Variants in BMPER observed in about 807,000 individuals in gnomAD.
BMPER encodes BMP binding endothelial regulator.
Under a neutral mutation model 87.3 loss-of-function variants are expected in BMPER, and 45 were observed. That is an observed-to-expected ratio of 0.52 (90% CI 0.41 to 0.66). The LOEUF is 0.66. BMPER is among the 30% of genes least tolerant of loss of function. The pLI is 0.00. For missense variants in BMPER, 784 were observed against 867.5 expected (o/e 0.90, Z 1.21); for synonymous variants, 326 against 316.2 (o/e 1.03, Z -0.33).
intron 2 of BMPER, among the ~76,000 whole-genome samples, chr7:33,927,598 T>A (rs1585644361): frequency 6.6e-6 from 1 of 152,276 alleles, no homozygotes; most frequent in East Asian, 1.9e-4. Flanking sequence ...AAATAATATC[T>A]CCAGCTATCA....
rs751990063 is a variant in BMPER, at chr7:33,905,579, G to T, written c.-35G>T. On this transcript the variant is annotated 5_prime_UTR_variant, in exon 1 of 15. Coordinates refer to ENST00000649409, the MANE Select transcript of BMPER (RefSeq NM_001365308.1). ...CAGCTGAGCAGAGGCGGCGGCGCGGGACCTGCAGTCGCCAGGGATTCCCTC... is the reference window on the plus strand; with the variant it reads ...CAGCTGAGCAGAGGCGGCGGCGCGGTACCTGCAGTCGCCAGGGATTCCCTC... 5.6e-6 allele frequency: 9 copies of T among 1,607,552 alleles called. No individual in the cohort carries two copies. The highest frequency in any genetic ancestry group is 1.8e-4 in the Middle Eastern group (1 of 5,590).
At chr7:34,028,967 A>C (rs975616245) in intron 6 of BMPER, among the ~76,000 whole-genome samples, 2 of 152,184 alleles carry the variant, frequency 1.3e-5, no homozygotes, top group East Asian at 3.9e-4. Flanking sequence ...TAGAATTTGG[A>C]AAAGTGATTA....
At chr7:34,035,004 CTG>C (rs1426715780) in intron 6 of BMPER, among the ~76,000 whole-genome samples, 1 of 152,192 alleles carries the variant, frequency 6.6e-6, no homozygotes, top group African/African-American at 2.4e-5. Flanking sequence ...TGCCAACAGA[CTG>C]TACACTTGTT....
At chr7:33,932,857 C>G (rs1471546752) in intron 2 of BMPER, among the ~76,000 whole-genome samples, 1 of 152,178 alleles carries the variant, frequency 6.6e-6, no homozygotes, top group Non-Finnish European at 1.5e-5. Flanking sequence ...GGAAGCATCT[C>G]AAAAGCATGT....
At chr7:33,905,436 T>TCCCCCCCCCCCCCCCCC, upstream of BMPER, 2 of 20,336 alleles carry the variant, frequency 9.8e-5, no homozygotes, top group Non-Finnish European at 1.8e-4. Context: ...CACCTTGGTC[T>TCCCCCCCCCCCCCCCCC]CTCCCCCCGC....
At chr7:34,085,576 G>T (rs1789176317) in intron 12 of BMPER, among the ~76,000 whole-genome samples, 180 bp from the exon 13 acceptor site, 1 of 152,162 alleles carries the variant, frequency 6.6e-6, no homozygotes, top group Non-Finnish European at 1.5e-5. Flanking sequence ...AAATGACTCA[G>T]ATAATTTCAC....
intron 11 of BMPER, among the ~76,000 whole-genome samples, chr7:34,072,558 G>A (rs545584854): frequency 6.6e-6 from 1 of 151,970 alleles, no homozygotes; most frequent in Non-Finnish European, 1.5e-5. Flanking sequence ...TAAGGCCCAT[G>A]CACCTGCCTT....
chr7:34,034,609 A>G (rs1044597652), intron 6 of BMPER, among the ~76,000 whole-genome samples: 1 of 152,240 alleles, frequency 6.6e-6, no homozygotes, highest in African/African-American at 2.4e-5. Flanking sequence ...GCAAGGGCCA[A>G]TATCACTTTC....
chr7:34,071,303 A>T lies in BMPER; in HGVS notation c.1079-7554A>T, dbSNP rs577651441. On this transcript the variant is annotated intron_variant, in intron 11 of 14. Transcript: ENST00000649409. ...ATAATGACTACTCTGAGTATCTCTTATGTTCTAGGCAGCTTTGCAATGCTA... is the reference window on the plus strand; with the variant it reads ...ATAATGACTACTCTGAGTATCTCTTTTGTTCTAGGCAGCTTTGCAATGCTA... Among the ~76,000 whole-genome samples the T allele has an allele frequency of 2.6e-5, 4 of 152,312 alleles. No individual in the cohort carries two copies. The East Asian group carries it at 7.7e-4, about 29-fold the overall frequency.
intron 8 of BMPER, among the ~76,000 whole-genome samples, chr7:34,052,521 CA>C (rs1329965432): frequency 1.3e-5 from 2 of 152,202 alleles, no homozygotes; most frequent in East Asian, 3.8e-4. Context: ...TTTAAAGGGA[CA>C]CACATCACAC....
chr7:34,135,864 T>A (rs1445899034), intron 13 of BMPER, among the ~76,000 whole-genome samples: 1 of 152,022 alleles, frequency 6.6e-6, no homozygotes, highest in Non-Finnish European at 1.5e-5. Flanking sequence ...CAATTTAACT[T>A]GAGTATAGGG....
rs1785642865 is a variant in BMPER, at chr7:33,974,803, G to T, written c.576+19G>T. 1 of 1,610,712 alleles carries T rather than the reference G, an allele frequency of 6.2e-7. No homozygotes were observed. The highest frequency in any genetic ancestry group is 1.3e-5 in the African/African-American group (1 of 74,844). On this transcript the variant is annotated intron_variant, in intron 6 of 14. Coordinates refer to ENST00000649409, the MANE Select transcript of BMPER (RefSeq NM_001365308.1). ...CTGCACTGTAAGTCCTGCTGTGGAT[G>T]TTCCCAGGGTGTCCTTTGGGCAAAG... is the stretch of plus-strand genomic sequence containing the variant.
intron 6 of BMPER, among the ~76,000 whole-genome samples, chr7:34,029,560 C>A (rs1787470053): frequency 6.6e-6 from 1 of 152,118 alleles, no homozygotes; most frequent in Non-Finnish European, 1.5e-5. Context: ...GTCTCAGCCT[C>A]ACTTGTGGCC....
At chr7:34,110,133 C>T (rs995899014) in intron 13 of BMPER, among the ~76,000 whole-genome samples, 2 of 152,152 alleles carry the variant, frequency 1.3e-5, no homozygotes, top group African/African-American at 4.8e-5. Flanking sequence ...GTGCAGTGGA[C>T]TTTGCTGGGC....
intron 11 of BMPER, among the ~76,000 whole-genome samples, chr7:34,075,212 A>AAT (rs932129025): frequency 4.8e-4 from 73 of 152,320 alleles, no homozygotes; most frequent in African/African-American, 1.7e-3. Context: ...TTCTCATAGC[A>AAT]ATCTTATTAA....
chr7:34,058,639 C>T (rs1365853334), intron 10 of BMPER, among the ~76,000 whole-genome samples: 1 of 152,214 alleles, frequency 6.6e-6, no homozygotes, highest in Non-Finnish European at 1.5e-5. Context: ...TCTCTCTAAT[C>T]CTGGCCTCCA....
At chr7:34,139,424 C>T (rs892724470) in intron 13 of BMPER, among the ~76,000 whole-genome samples, 3 of 152,210 alleles carry the variant, frequency 2.0e-5, no homozygotes, top group African/African-American at 7.2e-5. Context: ...ATATTAATAT[C>T]TTTCATGATA....
At chr7:33,910,213 A>G (rs1783924995) in intron 2 of BMPER, among the ~76,000 whole-genome samples, 2 of 152,176 alleles carry the variant, frequency 1.3e-5, no homozygotes, top group African/African-American at 4.8e-5. Context: ...ACCTTACAAA[A>G]TGGTCTTTTA....
intron 12 of BMPER, among the ~76,000 whole-genome samples, chr7:34,084,516 C>A (rs1241044091): frequency 3.3e-5 from 5 of 152,182 alleles, no homozygotes; most frequent in Non-Finnish European, 7.3e-5. Context: ...CACCCATTCA[C>A]TGGGGAGACT....
Sources: gnomAD v4.1 joint callset for allele counts (sites outside exome capture counted in the v4.1 genomes callset) on GRCh38, gnomAD v4.1.1 for gene constraint, MANE v1.5 for transcripts, NCBI Gene and HGNC (gene_info 2026-07-23, HGNC 2026-07-21) for gene names.